Variants in AGBL1 observed in about 807,000 individuals in gnomAD.
AGBL1 encodes the protein cytosolic carboxypeptidase 4.
In AGBL1, 130 loss-of-function variants were observed where a neutral mutation model predicts 118.9. The observed-to-expected ratio is 1.09, with a 90% CI of 0.95 to 1.26. The LOEUF (loss-of-function observed/expected upper bound fraction) is 1.26, where lower values mean the gene tolerates loss of function less well. Ranked by LOEUF, AGBL1 falls within the 50% of genes most tolerant of loss-of-function variation. The pLI, the probability that AGBL1 is intolerant of heterozygous loss-of-function variation, is 0.00. For synonymous variants in AGBL1, 555 were observed against 478.9 expected (o/e 1.16, Z -2.08); for missense variants, 1,584 against 1,298.1 (o/e 1.22, Z -3.38).
chr15:86,928,956 A>G (rs1006329147), intron 23 of AGBL1, among the ~76,000 whole-genome samples: 1 of 152,210 alleles, frequency 6.6e-6, no homozygotes, highest in African/African-American at 2.4e-5. Context: ...AGTGTCATAC[A>G]CATTGTTTTG....
chr15:86,088,708 A>G (rs560128627), intron 1 of AGBL1, among the ~76,000 whole-genome samples: 11 of 152,340 alleles, frequency 7.2e-5, no homozygotes, highest in East Asian at 5.8e-4. Flanking sequence ...TAAATTTACT[A>G]TATTTCTTTA....
chr15:86,116,382 C>T (rs1233731225), intron 1 of AGBL1, among the ~76,000 whole-genome samples: 1 of 152,144 alleles, frequency 6.6e-6, no homozygotes, highest in Non-Finnish European at 1.5e-5. Flanking sequence ...GATGTGATGG[C>T]TAATGTGTCA....
At chr15:86,275,257 G>A (rs1014329891) in intron 15 of AGBL1, among the ~76,000 whole-genome samples, 4 of 152,262 alleles carry the variant, frequency 2.6e-5, no homozygotes, top group Admixed American at 1.3e-4. Flanking sequence ...ATCTCCGCTC[G>A]TGAGAGGAGA....
At chr15:86,577,022 A>T (rs2084101361) in intron 21 of AGBL1, among the ~76,000 whole-genome samples, 1 of 152,228 alleles carries the variant, frequency 6.6e-6, no homozygotes, top group South Asian at 2.1e-4. Flanking sequence ...TGCTGAAAAG[A>T]TACCCAAAAA....
At chr15:86,443,362 T>C (rs550835958) in intron 18 of AGBL1, among the ~76,000 whole-genome samples, 1 of 152,228 alleles carries the variant, frequency 6.6e-6, no homozygotes, top group Non-Finnish European at 1.5e-5. Context: ...ACTTACGGGG[T>C]ATGTGATATT....
chr15:86,436,109 T>G (rs1386868729), intron 18 of AGBL1, among the ~76,000 whole-genome samples: 6 of 83,182 alleles, frequency 7.2e-5, no homozygotes, highest in South Asian at 7.6e-4. Flanking sequence ...TTTTTTTTTT[T>G]GTCCCATTTC....
chr15:86,381,930 G>C (rs1198430117), intron 17 of AGBL1, among the ~76,000 whole-genome samples: 1 of 152,202 alleles, frequency 6.6e-6, no homozygotes, highest in Non-Finnish European at 1.5e-5. Flanking sequence ...GAGGCCAATG[G>C]GGAGCCGCTG....
intron 22 of AGBL1, among the ~76,000 whole-genome samples, chr15:86,842,746 A>G (rs1263185567): frequency 3.3e-5 from 5 of 152,124 alleles, no homozygotes; most frequent in Admixed American, 3.3e-4. Context: ...AATTCTCCAA[A>G]TGCTCTCTGG....
chr15:86,289,136 A>G (rs549290582), intron 16 of AGBL1, among the ~76,000 whole-genome samples: 1 of 152,136 alleles, frequency 6.6e-6, no homozygotes, highest in Non-Finnish European at 1.5e-5. Flanking sequence ...CTCTCCTTTA[A>G]AAGTGCCTCT....
chr15:86,921,359 C>T (rs993902938), intron 23 of AGBL1, among the ~76,000 whole-genome samples: 4 of 152,072 alleles, frequency 2.6e-5, no homozygotes, highest in Non-Finnish European at 4.4e-5. Context: ...CTGAGGTCTA[C>T]GTGCCAGTGT....
intron 22 of AGBL1, among the ~76,000 whole-genome samples, chr15:86,780,748 C>T (rs1352526787): frequency 6.6e-6 from 1 of 151,070 alleles, no homozygotes; most frequent in Non-Finnish European, 1.5e-5. Flanking sequence ...ACTGCGACTT[C>T]CACCTCCCGG....
chr15:86,091,335 T>A (rs1896010680), intron 1 of AGBL1, among the ~76,000 whole-genome samples: 1 of 152,182 alleles, frequency 6.6e-6, no homozygotes, highest in South Asian at 2.1e-4. Context: ...AAGAAAGAGA[T>A]CCAGAATGTT....
intron 22 of AGBL1, among the ~76,000 whole-genome samples, chr15:86,778,239 G>A (rs777624386): frequency 2.6e-5 from 4 of 152,144 alleles, no homozygotes; most frequent in African/African-American, 4.8e-5. Context: ...GCAAATGGAG[G>A]CAGGGCGAGA....
At chr15:86,585,542 T>G (rs902760142) in intron 21 of AGBL1, among the ~76,000 whole-genome samples, 2 of 152,082 alleles carry the variant, frequency 1.3e-5, no homozygotes, top group African/African-American at 2.4e-5. Flanking sequence ...TTACTTCTAT[T>G]TTTTTATAGA....
intron 16 of AGBL1, among the ~76,000 whole-genome samples, chr15:86,283,672 A>C (rs1418448428): frequency 6.6e-6 from 1 of 152,186 alleles, no homozygotes; most frequent in Non-Finnish European, 1.5e-5. Context: ...AGCAGGCCAT[A>C]AATCAGCACT....
intron 23 of AGBL1, among the ~76,000 whole-genome samples, chr15:86,986,389 C>T (rs918491429): frequency 1.3e-5 from 2 of 152,190 alleles, no homozygotes; most frequent in Non-Finnish European, 2.9e-5. Flanking sequence ...CACACATATA[C>T]ACACACACTA....
At chr15:86,633,636 A>G (rs551624544) in intron 21 of AGBL1, among the ~76,000 whole-genome samples, 73 of 151,912 alleles carry the variant, frequency 4.8e-4, no homozygotes, top group Non-Finnish European at 8.4e-4. Context: ...AGGGAGTAAA[A>G]AAGATCATTC....
chr15:86,443,840 C>T (rs116681665), intron 18 of AGBL1, among the ~76,000 whole-genome samples: 8,599 of 149,056 alleles, frequency 0.058, 286 homozygotes, highest in South Asian at 0.1. Context: ...TTTTCTTTAT[C>T]CATCCATTCA....
Position 86,233,584 on chromosome 15 carries a change from G to A in AGBL1, c.526+8633G>A, listed in dbSNP as rs116724732. 2.6e-3 allele frequency among the ~76,000 whole-genome samples: 389 copies of A among 152,248 alleles called. 5 individuals carry two copies. The highest frequency in any genetic ancestry group is 9.1e-3 in the African/African-American group (376 of 41,542). ...GAAATCAAGTTTGAAAACCTCTGAA[G>A]TAAATATACTCAAGGGACTCTTTCA... is the stretch of plus-strand genomic sequence containing the variant. On this transcript the variant is annotated intron_variant, in intron 6 of 22. Transcript: ENST00000614907.
Sources: gnomAD v4.1 joint callset for allele counts (sites outside exome capture counted in the v4.1 genomes callset) on GRCh38, gnomAD v4.1.1 for gene constraint, MANE v1.5 for transcripts, NCBI Gene and HGNC (gene_info 2026-07-23, HGNC 2026-07-21) for gene names.